The following MCTP2 variants were observed in gnomAD, a reference collection of about 807,000 sequenced individuals.
The protein encoded by MCTP2 is multiple C2 and transmembrane domain-containing protein 2.
MCTP2 carries 132 observed loss-of-function variants against 111.6 expected under a neutral mutation model. That is an observed-to-expected ratio of 1.18 (90% CI 1.03 to 1.37). The LOEUF (loss-of-function observed/expected upper bound fraction) is 1.37. MCTP2 is among the 40% of genes most tolerant of loss of function. MCTP2 has a pLI of 0.00. For missense variants in MCTP2, 1,183 were observed against 1,067.9 expected, an observed-to-expected ratio of 1.11 and a Z score of -1.50; for synonymous variants, 395 against 387.7, an observed-to-expected ratio of 1.02 and a Z score of -0.22.
intron 21 of MCTP2, among the ~76,000 whole-genome samples, chr15:94,473,074 G>GA (rs149364173): frequency 0.47 from 71,865 of 151,472 alleles, 18,385 homozygotes; most frequent in Non-Finnish European, 0.58. Flanking sequence ...TTAATTTTTT[G>GA]AAAAAAATGT....
intron 17 of MCTP2, among the ~76,000 whole-genome samples, chr15:94,420,248 A>G (rs1026271009): frequency 6.6e-6 from 1 of 152,172 alleles, no homozygotes; most frequent in African/African-American, 2.4e-5. Context: ...CTCATCGAAC[A>G]TGTACCTAGC....
chr15:94,447,640 G>A (rs1279227198), intron 19 of MCTP2, among the ~76,000 whole-genome samples: 2 of 136,524 alleles, frequency 1.5e-5, no homozygotes, highest in Admixed American at 7.0e-5. Context: ...GCCTCCCAAA[G>A]TTCTGGGATT....
chr15:94,383,928 C>T (rs936447402), intron 12 of MCTP2, 94 bp from the exon 13 acceptor site: 1 of 905,118 alleles, frequency 1.1e-6, no homozygotes, highest in Non-Finnish European at 1.8e-6. Flanking sequence ...TTCCCTCTTT[C>T]AGCAAGCACA....
At chr15:94,395,311 G>A (rs184849810) in intron 14 of MCTP2, among the ~76,000 whole-genome samples, 74 of 152,282 alleles carry the variant, frequency 4.9e-4, no homozygotes, top group Non-Finnish European at 9.7e-4. Flanking sequence ...CTATTTATAC[G>A]CAACATCCTC....
intron 20 of MCTP2, among the ~76,000 whole-genome samples, chr15:94,467,952 C>T (rs535363957): frequency 6.6e-6 from 1 of 152,298 alleles, no homozygotes; most frequent in South Asian, 2.1e-4. Flanking sequence ...AGTGATTAAT[C>T]AGTTGGTGGA....
intron 2 of MCTP2, among the ~76,000 whole-genome samples, chr15:94,307,448 C>T (rs987282251): frequency 3.3e-5 from 5 of 152,092 alleles, no homozygotes; most frequent in African/African-American, 1.2e-4. Context: ...AGGAGTGTCC[C>T]TGATGTTTCA....
chr15:94,398,974 A>G lies in MCTP2; in HGVS notation c.1802A>G (p.Gln601Arg). The G allele has an allele frequency of 6.4e-7, 1 of 1,553,544 alleles. No individual in the cohort carries two copies. Among genetic ancestry groups the G allele is most frequent in the Non-Finnish European group, 8.9e-7 (1 of 1,125,956 alleles). The stretch of plus-strand genomic sequence containing the variant: ...TGTTTGTGACAGATTAGAGATGGAC[A>G]ACCGAATTGTTATGTACTAAAGAAT... ...AIPLLSIRDG[Q>R]PNCYVLKNKD... The change falls in exon 15 of 23, where the codon CAA (glutamine) becomes CGA (arginine). Residue 601 changes from glutamine (Q) to arginine (R), a missense_variant. Transcript: ENST00000357742.
intron 17 of MCTP2, among the ~76,000 whole-genome samples, chr15:94,412,218 A>T (rs1381247403): frequency 1.3e-5 from 2 of 152,052 alleles, no homozygotes; most frequent in African/African-American, 4.8e-5. Flanking sequence ...CGGCTTGTAT[A>T]GTCATAAACT....
At chr15:94,293,194 T>A (rs2168350) in intron 1 of MCTP2, among the ~76,000 whole-genome samples, 48,056 of 151,888 alleles carry the variant, frequency 0.32, 7,748 homozygotes, top group East Asian at 0.42. Context: ...CATAAAATTT[T>A]AAAAAATGGC....
chr15:94,324,495 A>C (rs2076770496), intron 4 of MCTP2, among the ~76,000 whole-genome samples: 1 of 152,210 alleles, frequency 6.6e-6, no homozygotes, highest in Admixed American at 6.5e-5. Context: ...AAATCACTTC[A>C]GCTGTAGGTT....
chr15:94,355,947 C>T (rs1345972367), intron 8 of MCTP2, 190 bp from the exon 9 acceptor site: 3 of 1,245,256 alleles, frequency 2.4e-6, no homozygotes, highest in Non-Finnish European at 3.0e-6. Context: ...TATTACCACT[C>T]CAAAGCTTGA....
At chr15:94,428,649 A>G (rs1429340295) in intron 17 of MCTP2, among the ~76,000 whole-genome samples, 2 of 151,578 alleles carry the variant, frequency 1.3e-5, no homozygotes, top group Non-Finnish European at 2.9e-5. Context: ...TCTCATTTCT[A>G]CCTTCCATGT....
At chr15:94,316,575 G>A (rs1228841601) in intron 4 of MCTP2, among the ~76,000 whole-genome samples, 1 of 152,176 alleles carries the variant, frequency 6.6e-6, no homozygotes, top group South Asian at 2.1e-4. Flanking sequence ...GAAGATGGCA[G>A]GCATTAACTT....
intron 2 of MCTP2, among the ~76,000 whole-genome samples, chr15:94,302,685 C>A (rs925370917): frequency 6.6e-6 from 1 of 152,130 alleles, no homozygotes; most frequent in Non-Finnish European, 1.5e-5. Flanking sequence ...AAACATAGAC[C>A]ATGATTTCTT....
chr15:94,289,698 C>A (rs1475362812), intron 1 of MCTP2, among the ~76,000 whole-genome samples: 1 of 152,038 alleles, frequency 6.6e-6, no homozygotes, highest in Non-Finnish European at 1.5e-5. Flanking sequence ...ATATATAAGA[C>A]AACTTATGTA....
At chr15:94,385,348 C>A in intron 13 of MCTP2, 75 bp from the exon 14 acceptor site, 1 of 970,622 alleles carries the variant, frequency 1.0e-6, no homozygotes, top group Non-Finnish European at 1.6e-6. Context: ...ATTAGTGAAA[C>A]AGTGTTTCCA....
At chr15:94,251,032 A>G (rs907482106) in intron 1 of MCTP2, among the ~76,000 whole-genome samples, 3 of 152,188 alleles carry the variant, frequency 2.0e-5, no homozygotes. Context: ...GGTTGACTTC[A>G]TGACTTCTGT....
chr15:94,263,492 C>T (rs1456675709), intron 1 of MCTP2, among the ~76,000 whole-genome samples: 1 of 152,160 alleles, frequency 6.6e-6, no homozygotes, highest in Non-Finnish European at 1.5e-5. Context: ...TAACTCTGAA[C>T]TCATAGCCAA....
chr15:94,234,174 G>A (rs1484194530), intron 1 of MCTP2, among the ~76,000 whole-genome samples: 4 of 152,164 alleles, frequency 2.6e-5, no homozygotes, highest in Admixed American at 2.6e-4. Flanking sequence ...GGGGAACCAG[G>A]GTGGGTGATG....
Sources: gnomAD v4.1 joint callset for allele counts (sites outside exome capture counted in the v4.1 genomes callset) on GRCh38, gnomAD v4.1.1 for gene constraint, MANE v1.5 for transcripts, NCBI Gene and HGNC (gene_info 2026-07-23, HGNC 2026-07-21) for gene names.